USH2A: variants seen among roughly 807,000 people sequenced by gnomAD.
The protein encoded by USH2A is Usher syndrome 2A (autosomal recessive, mild).
In USH2A, 443 loss-of-function variants were observed where a neutral mutation model predicts 538.9. The ratio of observed to expected loss-of-function variants is 0.82; its 90% CI spans 0.76 to 0.89. USH2A has a LOEUF of 0.89. Among genes scored for constraint, USH2A ranks in the 40% least tolerant of loss-of-function variants. The pLI is 0.00. For synonymous variants in USH2A, 2,413 were observed against 2,273.5 expected (o/e 1.06, Z -1.75); for missense variants, 6,633 against 6,324.8 (o/e 1.05, Z -1.65).
intron 35 of USH2A, among the ~76,000 whole-genome samples, chr1:215,972,772 C>T (rs1667528405): frequency 1.3e-5 from 2 of 152,098 alleles, no homozygotes; most frequent in South Asian, 4.1e-4. Context: ...CTCTCAGGTA[C>T]CACTTATAGC....
At chr1:216,279,751 A>G (rs1409790399) in intron 11 of USH2A, among the ~76,000 whole-genome samples, 3 of 152,128 alleles carry the variant, frequency 2.0e-5, no homozygotes, top group Admixed American at 6.5e-5. Context: ...TAAACGGGAG[A>G]GAAGGTAGCA....
At chr1:216,198,291 A>G (rs372491406) in intron 18 of USH2A, 24 bp downstream of exon 18, 38 of 1,613,560 alleles carry the variant, frequency 2.4e-5, no homozygotes, top group Non-Finnish European at 3.0e-5. Context: ...TTTTAAAAGT[A>G]GAATTTAAAA....
intron 4 of USH2A, among the ~76,000 whole-genome samples, chr1:216,328,017 A>T (rs2037770077): frequency 6.6e-6 from 1 of 152,066 alleles, no homozygotes; most frequent in Non-Finnish European, 1.5e-5. Flanking sequence ...TCTGCTTCTG[A>T]TTGCAATTTC....
At chr1:215,649,091 A>G (rs1656961326) in intron 65 of USH2A, among the ~76,000 whole-genome samples, 1 of 152,222 alleles carries the variant, frequency 6.6e-6, no homozygotes, top group African/African-American at 2.4e-5. Context: ...AGTGTTGATC[A>G]AAGTCTATGA....
intron 20 of USH2A, among the ~76,000 whole-genome samples, chr1:216,177,015 T>C (rs1397799810): frequency 6.6e-6 from 1 of 152,214 alleles, no homozygotes; most frequent in Non-Finnish European, 1.5e-5. Flanking sequence ...ATGATGTGCA[T>C]ATATATGTGT....
chr1:216,106,292 G>A (rs2032730350), intron 21 of USH2A, among the ~76,000 whole-genome samples: 1 of 134,686 alleles, frequency 7.4e-6, no homozygotes, highest in Non-Finnish European at 1.6e-5. Flanking sequence ...TAGAATATTT[G>A]TAGTGTACAT....
chr1:216,146,617 C>T (rs368768473), intron 21 of USH2A, among the ~76,000 whole-genome samples: 7 of 152,252 alleles, frequency 4.6e-5, no homozygotes, highest in Non-Finnish European at 7.4e-5. Context: ...CGCTTATTTC[C>T]GCACCCCAAC....
chr1:216,311,892 A>G (rs991305487), intron 9 of USH2A, among the ~76,000 whole-genome samples: 2 of 152,154 alleles, frequency 1.3e-5, no homozygotes, highest in Admixed American at 1.3e-4. Flanking sequence ...ATGCTATAAT[A>G]ATGAAATACA....
chr1:215,674,111 C>T lies in USH2A; in HGVS notation c.13800G>A (p.Lys4600=), dbSNP rs758262076. ...ACATGGCTACCTACCTGTGAAATGGCTTCAGCTGGTTTACTATATATGACT... is the reference window on the plus strand; with the variant it reads ...ACATGGCTACCTACCTGTGAAATGGTTTCAGCTGGTTTACTATATATGACT... ...GMQSYIVNQL[K]PFHRYEIRIQ... Residue 4600 remains lysine, a synonymous_variant, in exon 63 of 72, where the codon AAG becomes AAA. Coordinates refer to ENST00000307340, the MANE Select transcript of USH2A (RefSeq NM_206933.4). 2 of 1,613,988 alleles carry T rather than the reference C, an allele frequency of 1.2e-6. No homozygotes were observed. Among genetic ancestry groups the T allele is most frequent in the Non-Finnish European group, 1.7e-6 (2 of 1,179,972 alleles).
At chr1:216,021,978 A>C (rs1668854405) in intron 32 of USH2A, among the ~76,000 whole-genome samples, 1 of 151,578 alleles carries the variant, frequency 6.6e-6, no homozygotes, top group South Asian at 2.1e-4. Flanking sequence ...ATGAGTTCTC[A>C]CTCTTAGCTC....
chr1:216,262,573 C>A (rs1558350711), intron 11 of USH2A, among the ~76,000 whole-genome samples: 1 of 151,972 alleles, frequency 6.6e-6, no homozygotes, highest in Non-Finnish European at 1.5e-5. Context: ...GCCTACAGGA[C>A]TTGTGGGACA....
chr1:216,058,213 G>A (rs1342493117), intron 30 of USH2A, among the ~76,000 whole-genome samples: 1 of 128,370 alleles, frequency 7.8e-6, no homozygotes, highest in East Asian at 1.9e-4. Flanking sequence ...TTGACTTACT[G>A]TGGACACCTA....
At chr1:215,906,103 CAT>C (rs1665633841) in intron 38 of USH2A, among the ~76,000 whole-genome samples, 1 of 151,936 alleles carries the variant, frequency 6.6e-6, no homozygotes, top group Non-Finnish European at 1.5e-5. Context: ...GTCACTAAAC[CAT>C]ATGTCATTTA....
chr1:215,936,102 T>A (rs1268041707), intron 37 of USH2A, among the ~76,000 whole-genome samples: 1 of 152,034 alleles, frequency 6.6e-6, no homozygotes, highest in African/African-American at 2.4e-5. Context: ...AACCACTTTT[T>A]ATTATATGTA....
intron 15 of USH2A, among the ~76,000 whole-genome samples, chr1:216,213,926 A>G (rs1442708729): frequency 6.6e-6 from 1 of 152,102 alleles, no homozygotes; most frequent in African/African-American, 2.4e-5. Context: ...CAAAAATCAC[A>G]TGAATGACAA....
intron 4 of USH2A, among the ~76,000 whole-genome samples, chr1:216,328,079 G>C (rs866604396): frequency 4.6e-5 from 7 of 152,062 alleles, no homozygotes; most frequent in Non-Finnish European, 1.5e-5. Flanking sequence ...CATCCCACCT[G>C]TTATAGCTCC....
At chr1:216,015,634 A>T (rs1668690555) in intron 32 of USH2A, among the ~76,000 whole-genome samples, 1 of 152,192 alleles carries the variant, frequency 6.6e-6, no homozygotes, top group African/African-American at 2.4e-5. Context: ...AGTCCCACCA[A>T]CAGTGTAAAA....
chr1:215,689,271 CA>C (rs1658525078), intron 61 of USH2A, among the ~76,000 whole-genome samples: 1 of 152,186 alleles, frequency 6.6e-6, no homozygotes, highest in African/African-American at 2.4e-5. Flanking sequence ...ACATATCTCC[CA>C]AAATCCAGTC....
chr1:215,876,452 A>G (rs1373756335), intron 43 of USH2A, among the ~76,000 whole-genome samples: 1 of 152,168 alleles, frequency 6.6e-6, no homozygotes, highest in Non-Finnish European at 1.5e-5. Context: ...TAAGGTACAG[A>G]GCAGTGAATT....
Sources: allele counts gnomAD v4.1 joint callset (sites outside exome capture counted in the v4.1 genomes callset), GRCh38; gene constraint gnomAD v4.1.1; transcripts MANE v1.5; gene names NCBI Gene and HGNC (gene_info 2026-07-23, HGNC 2026-07-21).